Variants in COPA observed in about 807,000 individuals in gnomAD.
COPA encodes the protein coat protein complex I subunit alpha, also known as coatomer subunit alpha.
A neutral mutation model predicts 158.7 loss-of-function variants in COPA; 10 were observed. That is an observed-to-expected ratio of 0.06 (90% CI 0.04 to 0.11). COPA has a LOEUF of 0.11. COPA is among the 10% of genes least tolerant of loss of function. The probability of loss-of-function intolerance (pLI) is 1.00; values close to 1 mark genes in which losing one functional copy is unlikely to be tolerated. For missense variants in COPA, 1,065 were observed against 1,536.7 expected (o/e 0.69, Z 5.13); for synonymous variants, 462 against 542.8 (o/e 0.85, Z 2.07).
chr1:160,323,521 G>A lies in COPA; in HGVS notation c.616C>T (p.Arg206Cys), dbSNP rs1659398891. The change falls in exon 8 of 33, where the codon CGT becomes TGT. Residue 206 changes from arginine (R) to cysteine (C), a missense_variant. By Grantham distance (180) the Arg-to-Cys change is radical. This residue lies in a region of COPA where 980 missense variants were observed against 1,357.8 expected (regional missense o/e 0.72). Coordinates refer to ENST00000241704, the MANE Select transcript of COPA (RefSeq NM_004371.4). ...TGGAAGGCAGCCCAGTTTACTCCAC[G>A]ATCGTGACCCTGTAGAAAAGAGTGG... ...VVKHVLEGHD[R>C]GVNWAAFHPT... is the part of the protein sequence containing the mutation. The A allele has an allele frequency of 6.2e-7, 1 of 1,608,900 alleles. No homozygotes were observed. The highest frequency in any genetic ancestry group is 8.5e-7 in the Non-Finnish European group (1 of 1,177,044).
In COPA at chr1:160,305,668, T is replaced by G. The variant is rs1571158584; in HGVS notation, c.1528+20A>C. On this transcript the variant is annotated intron_variant, in intron 16 of 32. Transcript: ENST00000241704. ...GAAGGGAATGGTCTCTAAATCAGGGTGGATATAATGAAGACTCACCGTGTT... is the reference window on the plus strand; with the variant it reads ...GAAGGGAATGGTCTCTAAATCAGGGGGGATATAATGAAGACTCACCGTGTT... 6.2e-7 allele frequency: 1 copy of G among 1,613,914 alleles called. No individual in the cohort carries two copies. The highest frequency in any genetic ancestry group is 2.2e-5 in the East Asian group (1 of 44,884).
intron 7 of COPA, among the ~76,000 whole-genome samples, chr1:160,324,477 T>G (rs75253893): frequency 7.5e-6 from 1 of 134,126 alleles, no homozygotes; most frequent in Non-Finnish European, 1.5e-5. Flanking sequence ...TTTTTTTTTT[T>G]GGTAGAGACA....
chr1:160,323,974 C>A (rs951387840), intron 7 of COPA, among the ~76,000 whole-genome samples: 1 of 152,032 alleles, frequency 6.6e-6, no homozygotes, highest in African/African-American at 2.4e-5. Flanking sequence ...TAATTCTCTG[C>A]CTCAGCCTCC....
intron 14 of COPA, 98 bp from the exon 15 acceptor site, chr1:160,306,591 T>C: frequency 1.4e-6 from 2 of 1,467,552 alleles, no homozygotes; most frequent in South Asian, 2.3e-5. Context: ...TAGCTTCAAT[T>C]AACTAAGTAT....
chr1:160,291,030 A>G (rs537108268), intron 31 of COPA, among the ~76,000 whole-genome samples: 3 of 152,328 alleles, frequency 2.0e-5, no homozygotes, highest in Non-Finnish European at 2.9e-5. Flanking sequence ...GTGTATGTGA[A>G]GCTTTGTGGT....
chr1:160,304,170 C>T (rs1483587531), intron 17 of COPA, among the ~76,000 whole-genome samples: 5 of 151,478 alleles, frequency 3.3e-5, no homozygotes, highest in South Asian at 2.1e-4. Context: ...ACCACCACCA[C>T]ACCCAGCTAA....
chr1:160,313,042 AC>A (rs748511034), intron 10 of COPA, 42 bp downstream of exon 10: 65 of 1,540,104 alleles, frequency 4.2e-5, no homozygotes, highest in Non-Finnish European at 5.5e-5. Flanking sequence ...AGACTTATAA[AC>A]TTTGAATTAA....
intron 9 of COPA, 32 bp from the exon 10 acceptor site, chr1:160,313,199 AT>A (rs775253087): frequency 6.9e-4 from 1,098 of 1,586,660 alleles, no homozygotes; most frequent in Non-Finnish European, 8.4e-4. Flanking sequence ...AAAAACATTA[AT>A]TTCCTAGGAA....
At chr1:160,303,226 CTT>C (rs1358229497) in intron 17 of COPA, among the ~76,000 whole-genome samples, 1 of 151,560 alleles carries the variant, frequency 6.6e-6, no homozygotes, top group Non-Finnish European at 1.5e-5. Context: ...AACAACAAAA[CTT>C]ACGTGAGAAG....
chr1:160,290,096 G>T lies in COPA; in HGVS notation c.*61C>A. On this transcript the variant is annotated 3_prime_UTR_variant, in exon 33 of 33. Coordinates refer to ENST00000241704, the MANE Select transcript of COPA (RefSeq NM_004371.4). ...AGGGGGAAGGTGCTGTTAGAAGGAG[G>T]ATATAGACACATTCTCTGGGGGGAA... 2 of 1,480,698 alleles carry T rather than the reference G, an allele frequency of 1.4e-6. No homozygotes were observed. Among genetic ancestry groups the T allele is most frequent in the East Asian group, 2.3e-5 (1 of 44,256 alleles). The allele number at this position is 1,480,698 out of a possible 1,614,324, so 91.7% of individuals were successfully genotyped here.
At chr1:160,336,098 C>A (rs1330968544) in intron 3 of COPA, among the ~76,000 whole-genome samples, 4 of 148,902 alleles carry the variant, frequency 2.7e-5, no homozygotes, top group African/African-American at 1.0e-4. Context: ...GTAATCCCAG[C>A]ACTTTGGGAG....
At chr1:160,293,751 C>T (rs1658316473) in intron 25 of COPA, among the ~76,000 whole-genome samples, 1 of 152,140 alleles carries the variant, frequency 6.6e-6, no homozygotes, top group African/African-American at 2.4e-5. Flanking sequence ...CTGGCTCAGC[C>T]TCCCAAAGTG....
At chr1:160,331,910 T>C (rs1471802962) in intron 6 of COPA, among the ~76,000 whole-genome samples, 1 of 150,720 alleles carries the variant, frequency 6.6e-6, no homozygotes, top group East Asian at 1.9e-4. Context: ...ATCACACCAC[T>C]GCGCTCCAGC....
In COPA at chr1:160,309,139, T is replaced by C. The variant is rs867879809; in HGVS notation, c.1181A>G (p.Tyr394Cys). ...GGAGTCAGCATCTTTAGGGATGGTG[T>C]ACAGGTCATAGGTACTATTCTCTAG... ...SNLENSTYDL[Y>C]TIPKDADSQN... is the part of the protein sequence containing the mutation. Residue 394 changes from tyrosine (Y) to cysteine (C), a missense_variant, in exon 13 of 33, where the codon TAC (tyrosine) becomes TGC (cysteine). Coordinates refer to ENST00000241704, the MANE Select transcript of COPA (RefSeq NM_004371.4). The C allele has an allele frequency of 6.2e-7, 1 of 1,613,660 alleles. No individual in the cohort carries two copies. The highest frequency in any genetic ancestry group is 8.5e-7 in the Non-Finnish European group (1 of 1,179,720).
intron 8 of COPA, chr1:160,317,280 G>C (rs958580150): frequency 1.2e-6 from 1 of 844,378 alleles, no homozygotes; most frequent in Non-Finnish European, 2.0e-6. Context: ...GGTAGCGGAA[G>C]TTACTGCAGC....
chr1:160,315,639 T>C (rs1337025300), intron 8 of COPA, among the ~76,000 whole-genome samples: 1 of 152,160 alleles, frequency 6.6e-6, no homozygotes, highest in African/African-American at 2.4e-5. Context: ...GCTAAGCAAA[T>C]ATATCCAATA....
At chr1:160,338,849 A>T (rs1305310438) in intron 3 of COPA, among the ~76,000 whole-genome samples, 1 of 152,084 alleles carries the variant, frequency 6.6e-6, no homozygotes, top group Non-Finnish European at 1.5e-5. Context: ...CTGTCTTCTT[A>T]TTCAACGTAC....
Position 160,289,930 on chromosome 1 carries a change from A to G in COPA, c.*227T>C. 2.0e-6 allele frequency: 1 copy of G among 494,966 alleles called. No individual in the cohort carries two copies. Among genetic ancestry groups the G allele is most frequent in the Admixed American group, 3.5e-5 (1 of 28,758 alleles). The allele number at this position is 494,966 out of a possible 1,614,324, so 30.7% of individuals were successfully genotyped here. On this transcript the variant is annotated 3_prime_UTR_variant, in exon 33 of 33. Transcript: ENST00000241704. ...GTTCCTTAAAATAATTAAGCTGGAA[A>G]GGCAAGGACAATTATGAGCACAACT...
At chr1:160,291,790 T>C (rs1453516634) in intron 30 of COPA, 29 bp downstream of exon 30, 1 of 1,602,200 alleles carries the variant, frequency 6.2e-7, no homozygotes, top group Admixed American at 1.7e-5. Flanking sequence ...AGGACGTCTC[T>C]GTTGTGCTCA....
Sources: allele counts gnomAD v4.1 joint callset (sites outside exome capture counted in the v4.1 genomes callset), GRCh38; gene constraint gnomAD v4.1.1; regional missense constraint gnomAD v4.1.1; transcripts MANE v1.5; gene names NCBI Gene and HGNC (gene_info 2026-07-23, HGNC 2026-07-21).